Variants in CLVS1 observed in about 807,000 individuals in gnomAD.
The protein encoded by CLVS1 is clavesin 1.
A neutral mutation model predicts 33.1 loss-of-function variants in CLVS1; 10 were observed. The observed-to-expected ratio is 0.30, with a 90% CI of 0.19 to 0.51. CLVS1 has a LOEUF of 0.51. Ranked by LOEUF, CLVS1 falls within the 20% of genes least tolerant of loss-of-function variation. CLVS1 has a pLI of 0.97. For missense variants in CLVS1, 343 were observed against 433.4 expected (o/e 0.79, Z 1.85); for synonymous variants, 163 against 166.1 (o/e 0.98, Z 0.14).
At chr8:61,058,285 G>T (rs1465394508) in intron 1 of CLVS1, among the ~76,000 whole-genome samples, 1 of 152,154 alleles carries the variant, frequency 6.6e-6, no homozygotes, top group Non-Finnish European at 1.5e-5. Context: ...TTTACTGCAT[G>T]GATCAAGACC....
intron 2 of CLVS1, among the ~76,000 whole-genome samples, chr8:61,231,218 G>A (rs1808425900): frequency 6.6e-6 from 1 of 152,002 alleles, no homozygotes; most frequent in African/African-American, 2.4e-5. Flanking sequence ...TATAAAAGCA[G>A]CAAAAGTTCA....
At chr8:61,013,397 C>A in the CLVS1 span, among the ~76,000 whole-genome samples, 1 of 152,202 alleles carries the variant, frequency 6.6e-6, no homozygotes, top group African/African-American at 2.4e-5. Context: ...AATGCTGGCC[C>A]AGTCTCCTTC....
chr8:61,372,247 T>C (rs1043300696), intron 2 of CLVS1, among the ~76,000 whole-genome samples: 7 of 152,316 alleles, frequency 4.6e-5, no homozygotes, highest in African/African-American at 1.4e-4. Context: ...TTTGGTAGAA[T>C]GAAGAAACTC....
At chr8:61,280,199 A>G (rs1809642554) in intron 2 of CLVS1, among the ~76,000 whole-genome samples, 1 of 152,232 alleles carries the variant, frequency 6.6e-6, no homozygotes, top group Admixed American at 6.5e-5. Flanking sequence ...GAATCCATTA[A>G]AAATCAGGCT....
intron 3 of CLVS1, among the ~76,000 whole-genome samples, chr8:61,394,498 G>T (rs546312534): frequency 1.3e-5 from 2 of 152,280 alleles, no homozygotes; most frequent in African/African-American, 2.4e-5. Context: ...CTGGGGTGGG[G>T]CTTGCTGCAG....
chr8:61,113,061 C>T (rs538912612), intron 1 of CLVS1, among the ~76,000 whole-genome samples: 9 of 152,086 alleles, frequency 5.9e-5, no homozygotes, highest in Non-Finnish European at 7.4e-5. Context: ...GGACAGGAGG[C>T]GGCCCTCACT....
At chr8:61,186,057 G>A (rs4033378) in intron 2 of CLVS1, among the ~76,000 whole-genome samples, 1 of 152,128 alleles carries the variant, frequency 6.6e-6, no homozygotes, top group South Asian at 2.1e-4. Flanking sequence ...GGGTAGGGGA[G>A]GATGCTTCCT....
intron 3 of CLVS1, among the ~76,000 whole-genome samples, chr8:61,410,095 TGCTAGGTAAAAGGA>T (rs1815161252): frequency 5.7e-4 from 70 of 123,808 alleles, no homozygotes; most frequent in African/African-American, 6.5e-4. Context: ...TCTTTGTTTT[TGCTAGGTAAAAGGA>T]TATTTTGTTG....
intron 2 of CLVS1, among the ~76,000 whole-genome samples, chr8:61,151,662 G>A (rs1255438351): frequency 6.6e-6 from 1 of 152,220 alleles, no homozygotes; most frequent in Non-Finnish European, 1.5e-5. Context: ...CAGGGGCAGG[G>A]GAGAAGTGAT....
chr8:61,335,042 CA>C (rs1811746353), intron 2 of CLVS1, among the ~76,000 whole-genome samples: 1 of 152,158 alleles, frequency 6.6e-6, no homozygotes, highest in Non-Finnish European at 1.5e-5. Flanking sequence ...GGAGTTGGAG[CA>C]GTCTTCTTGC....
At chr8:61,323,560 A>T (rs183337176) in intron 2 of CLVS1, among the ~76,000 whole-genome samples, 2 of 152,014 alleles carry the variant, frequency 1.3e-5, no homozygotes, top group African/African-American at 4.8e-5. Context: ...TCTCACCTCA[A>T]TTTTCGGTGT....
At chr8:61,048,724 A>G in the CLVS1 span, among the ~76,000 whole-genome samples, 1 of 152,130 alleles carries the variant, frequency 6.6e-6, no homozygotes, top group African/African-American at 2.4e-5. Flanking sequence ...TGTTTATGCT[A>G]TGGAGCTCCC....
intron 2 of CLVS1, among the ~76,000 whole-genome samples, chr8:61,280,383 A>G (rs1809645973): frequency 6.6e-6 from 1 of 152,220 alleles, no homozygotes; most frequent in Admixed American, 6.5e-5. Context: ...TGACATTGAA[A>G]TATGACAACT....
At chr8:61,192,829 C>G (rs914003180) in intron 2 of CLVS1, among the ~76,000 whole-genome samples, 41 of 151,842 alleles carry the variant, frequency 2.7e-4, no homozygotes, top group Admixed American at 1.3e-4. Flanking sequence ...GATACCATGT[C>G]ACACCAGTTA....
At chr8:61,009,237 C>G in the CLVS1 span, among the ~76,000 whole-genome samples, 1 of 151,998 alleles carries the variant, frequency 6.6e-6, no homozygotes, top group Non-Finnish European at 1.5e-5. Context: ...GTGCCTCGCC[C>G]TCCCAGGCTC....
intron 5 of CLVS1, among the ~76,000 whole-genome samples, chr8:61,478,821 A>C (rs1818065003): frequency 1.3e-5 from 2 of 152,154 alleles, no homozygotes; most frequent in Non-Finnish European, 2.9e-5. Context: ...ATTTACATTT[A>C]AGGTTAATAT....
intron 4 of CLVS1, among the ~76,000 whole-genome samples, chr8:61,454,678 G>A (rs1817083178): frequency 6.6e-6 from 1 of 152,166 alleles, no homozygotes; most frequent in South Asian, 2.1e-4. Flanking sequence ...ACTGCTAACT[G>A]CATCACCTGT....
chr8:61,369,034 G>A (rs956706206), intron 2 of CLVS1, among the ~76,000 whole-genome samples: 17 of 146,456 alleles, frequency 1.2e-4, no homozygotes, highest in African/African-American at 2.8e-4. Context: ...TTCTCTCCCC[G>A]TCTTTCTTCC....
At chr8:61,182,316 G>A (rs752491030) in intron 2 of CLVS1, among the ~76,000 whole-genome samples, 97 of 152,038 alleles carry the variant, frequency 6.4e-4, no homozygotes, top group Non-Finnish European at 1.0e-3. Flanking sequence ...GCAACAAAAG[G>A]TAAAATTGAC....
Sources: gnomAD v4.1 joint callset for allele counts (sites outside exome capture counted in the v4.1 genomes callset) on GRCh38, gnomAD v4.1.1 for gene constraint, MANE v1.5 for transcripts, NCBI Gene and HGNC (gene_info 2026-07-23, HGNC 2026-07-21) for gene names.